Variants in ZNF268 observed in about 807,000 individuals in gnomAD.
ZNF268 encodes zinc finger protein 268.
In ZNF268, 20 loss-of-function variants were observed where a neutral mutation model predicts 29.3. The ratio of observed to expected loss-of-function variants is 0.68; its 90% CI spans 0.48 to 0.99. The LOEUF (loss-of-function observed/expected upper bound fraction) is 0.99. Among genes scored for constraint, ZNF268 ranks in the 50% least tolerant of loss-of-function variants. The pLI is 0.00. For synonymous variants in ZNF268, 429 were observed against 376.9 expected (o/e 1.14, Z -1.60); for missense variants, 1,240 against 1,121.6 (o/e 1.11, Z -1.51).
In ZNF268 at chr12:133,213,627, T is replaced by G. The variant is rs1593946987; in HGVS notation, c.*9097T>G. On this transcript the variant is annotated 3_prime_UTR_variant, in exon 6 of 6. Coordinates refer to ENST00000536435, the MANE Select transcript of ZNF268 (RefSeq NM_003415.3). Reference sequence around the variant, plus strand: ...AGGAGGATCGCTTGAAGCTGTGAGGTGGAGGTTGCAGTGAGCCGAGATCAT... The same window carrying G: ...AGGAGGATCGCTTGAAGCTGTGAGGGGGAGGTTGCAGTGAGCCGAGATCAT... 1 of 143,178 alleles carries G rather than the reference T, an allele frequency of 7.0e-6. No homozygotes were observed. The highest frequency in any genetic ancestry group is 1.5e-5 in the Non-Finnish European group (1 of 66,534). 8.9% of individuals were successfully genotyped at this position (143,178 alleles called of 1,614,324 possible).
At position 133,211,029 on chromosome 12, in the gene ZNF268, A is replaced by G. The variant is rs1166632523; in HGVS notation, c.*6499A>G. ...TAATTTTGGAAAACGAAACTGAAAT[A>G]GAGTCCATCATTCCATGCCTTAATT... On this transcript the variant is annotated 3_prime_UTR_variant, in exon 6 of 6. Coordinates refer to ENST00000536435, the MANE Select transcript of ZNF268 (RefSeq NM_003415.3). The G allele has an allele frequency of 6.6e-6, 3 of 456,106 alleles. No individual in the cohort carries two copies. The Admixed American group carries it at 7.0e-5, about 11-fold the overall frequency. The allele number at this position is 456,106 out of a possible 1,614,324, so 28.3% of individuals were successfully genotyped here.
rs1325695588 is a variant in ZNF268 at position 133,214,529 on chromosome 12, T to C, written c.*9999T>C. On this transcript the variant is annotated 3_prime_UTR_variant, in exon 6 of 6. Coordinates refer to ENST00000536435, the MANE Select transcript of ZNF268 (RefSeq NM_003415.3). ...TACAAAGATAAAAATAAAAGCAATG[T>C]GCAGAAAGAGGCTGGCCACAAAAAG... 1 of 152,168 alleles carries C rather than the reference T, an allele frequency of 6.6e-6. No homozygotes were observed. The highest frequency in any genetic ancestry group is 1.5e-5 in the Non-Finnish European group (1 of 68,054). The allele number at this position is 152,168 out of a possible 1,614,324, so 9.4% of individuals were successfully genotyped here.
chr12:133,207,652 C>A lies in ZNF268; in HGVS notation c.*3122C>A, dbSNP rs1956923426. The A allele has an allele frequency of 6.6e-6, 1 of 151,838 alleles. No individual in the cohort carries two copies. The highest frequency in any genetic ancestry group is 1.5e-5 in the Non-Finnish European group (1 of 67,972). The allele number at this position is 151,838 out of a possible 1,614,324, so 9.4% of individuals were successfully genotyped here. On this transcript the variant is annotated 3_prime_UTR_variant, in exon 6 of 6. Coordinates refer to ENST00000536435, the MANE Select transcript of ZNF268 (RefSeq NM_003415.3). Reference sequence around the variant, plus strand: ...GTGAAACCCCTCTCTACTAAAAATACAAAAAAATAGCAGGGCATGGTAACT... The same window carrying A: ...GTGAAACCCCTCTCTACTAAAAATAAAAAAAAATAGCAGGGCATGGTAACT...
chr12:133,188,546 AT>A (rs1368220579), intron 3 of ZNF268, among the ~76,000 whole-genome samples: 2 of 151,976 alleles, frequency 1.3e-5, no homozygotes, highest in Non-Finnish European at 2.9e-5. Flanking sequence ...ATCTACCTTT[AT>A]TTATATATTC....
chr12:133,183,152 T>C (rs1407944318), intron 2 of ZNF268, among the ~76,000 whole-genome samples: 1 of 152,172 alleles, frequency 6.6e-6, no homozygotes, highest in African/African-American at 2.4e-5. Context: ...CCAGAAGCCA[T>C]CGCCGCACCC....
rs558607629 is a variant in ZNF268, at chr12:133,205,542, T to C, written c.*1012T>C. 6.6e-6 allele frequency: 1 copy of C among 152,306 alleles called. No homozygotes were observed. The highest frequency in any genetic ancestry group is 1.5e-5 in the Non-Finnish European group (1 of 68,016). 9.4% of individuals were successfully genotyped at this position (152,306 alleles called of 1,614,324 possible). On this transcript the variant is annotated 3_prime_UTR_variant, in exon 6 of 6. Transcript: ENST00000536435. ...ATATGACAATATCATCTTCCAGAGA[T>C]TTCTACTCTGCATACCAACATTGTT...
At chr12:133,201,754 TAATTA>T (rs1342529893) in intron 5 of ZNF268, among the ~76,000 whole-genome samples, 1 of 152,144 alleles carries the variant, frequency 6.6e-6, no homozygotes, top group Non-Finnish European at 1.5e-5. Flanking sequence ...AGTAGGTATT[TAATTA>T]TTTTTTGAAT....
intron 2 of ZNF268, among the ~76,000 whole-genome samples, chr12:133,182,310 T>G (rs149255654): frequency 6.6e-6 from 1 of 152,218 alleles, no homozygotes; most frequent in African/African-American, 2.4e-5. Context: ...TTTTCAGCCT[T>G]TATTTACTGA....
At chr12:133,197,269 T>C (rs1181293630) in intron 5 of ZNF268, among the ~76,000 whole-genome samples, 3 of 145,540 alleles carry the variant, frequency 2.1e-5, no homozygotes, top group Non-Finnish European at 4.5e-5. Context: ...TTCCCACCTA[T>C]GAGTGAGAAT....
chr12:133,199,039 C>T (rs1487633792), intron 5 of ZNF268, among the ~76,000 whole-genome samples: 1 of 151,852 alleles, frequency 6.6e-6, no homozygotes, highest in Non-Finnish European at 1.5e-5. Flanking sequence ...CCTTCTCCTG[C>T]CTAATTGCCC....
At position 133,203,286 on chromosome 12, in the gene ZNF268, G is replaced by A. The variant is rs1236114964; in HGVS notation, c.1600G>A (p.Gly534Arg). 6.5e-7 allele frequency: 1 copy of A among 1,539,522 alleles called. No homozygotes were observed. The highest frequency in any genetic ancestry group is 1.4e-5 in the African/African-American group (1 of 72,972). The change falls in exon 6 of 6, where the codon GGG becomes AGG. Residue 534 changes from glycine to arginine, a missense_variant. Gly to Arg is a moderately radical substitution (Grantham distance 125). Around this residue, in one of 3 missense-constraint regions of ZNF268, gnomAD observed 1,177 missense variants for 1,039.6 expected, o/e 1.13. Coordinates refer to ENST00000536435, the MANE Select transcript of ZNF268 (RefSeq NM_003415.3). ...GEKLHECNNCGKAFSFKSQLI... is the reference protein window; with the variant it reads ...GEKLHECNNCRKAFSFKSQLI... Reference sequence around the variant, plus strand: ...AAAACTCCATGAATGCAACAATTGTGGGAAAGCCTTCAGTTTTAAATCACA... The same window carrying A: ...AAAACTCCATGAATGCAACAATTGTAGGAAAGCCTTCAGTTTTAAATCACA...
chr12:133,181,679 AGCCGGAGGT>A lies in ZNF268; in HGVS notation c.-57_-53+4del. On this transcript the variant is annotated splice_donor_variant and 5_prime_UTR_variant, in exon 1 of 6. Transcript: ENST00000536435. LOFTEE classifies it low-confidence loss of function (5UTR_SPLICE). ...CTGCTGCCCCTTCAGGGTTTGGAGG[AGCCGGAGGT>A]GCGGAATTCCTCCGGTTTCAAGGCG... The A allele has an allele frequency of 2.7e-6, 1 of 364,908 alleles. No homozygotes were observed. The highest frequency in any genetic ancestry group is 5.1e-6 in the Non-Finnish European group (1 of 196,374). The allele number at this position is 364,908 out of a possible 1,614,324, so 22.6% of individuals were successfully genotyped here.
Position 133,202,343 on chromosome 12 carries a change from T to C in ZNF268, c.657T>C (p.Tyr219=), listed in dbSNP as rs1293740625. ...SLKYIDFTSD[Y]ARNNPNGFQV... Reference sequence around the variant, plus strand: ...AATATATAGATTTCACTAGTGATTATGCTAGAAATAATCCTAATGGGTTTC... The same window carrying C: ...AATATATAGATTTCACTAGTGATTACGCTAGAAATAATCCTAATGGGTTTC... Residue 219 remains tyrosine (Y), a synonymous_variant, in exon 6 of 6, where the codon TAT becomes TAC. Transcript: ENST00000536435. The C allele has an allele frequency of 1.9e-6, 3 of 1,611,460 alleles. No individual in the cohort carries two copies. The highest frequency in any genetic ancestry group is 2.5e-6 in the Non-Finnish European group (3 of 1,178,792).
chr12:133,184,131 C>T (rs2135481741), intron 2 of ZNF268, among the ~76,000 whole-genome samples: 1 of 151,604 alleles, frequency 6.6e-6, no homozygotes, highest in East Asian at 1.9e-4. Context: ...TTTTTGGAGA[C>T]AGTCTCTCTC....
chr12:133,183,175 A>T (rs1486635568), intron 2 of ZNF268, among the ~76,000 whole-genome samples: 1 of 152,228 alleles, frequency 6.6e-6, no homozygotes, highest in Non-Finnish European at 1.5e-5. Context: ...CTGCCCGTCC[A>T]TGGAAAAATT....
chr12:133,201,437 C>T (rs958341774), intron 5 of ZNF268, among the ~76,000 whole-genome samples: 1 of 152,038 alleles, frequency 6.6e-6, no homozygotes, highest in African/African-American at 2.4e-5. Flanking sequence ...AACATTGAGA[C>T]CTGTGCATCT....
At position 133,204,187 on chromosome 12, in the gene ZNF268, ACCC is replaced by A; in HGVS notation, c.2502_2504del (p.Pro835del). The A allele has an allele frequency of 6.5e-7, 1 of 1,540,804 alleles. No homozygotes were observed. Among genetic ancestry groups the A allele is most frequent in the East Asian group, 2.4e-5 (1 of 40,924 alleles). ...CATGAGCGAACTCATGCAGGGGTCA[ACCC>A]TTATAAATGCAGTCAATGTGAGAAA... On this transcript the variant is annotated inframe_deletion, in exon 6 of 6. Coordinates refer to ENST00000536435, the MANE Select transcript of ZNF268 (RefSeq NM_003415.3).
At chr12:133,199,792 C>A (rs1212356837) in intron 5 of ZNF268, among the ~76,000 whole-genome samples, 1 of 152,130 alleles carries the variant, frequency 6.6e-6, no homozygotes, top group Non-Finnish European at 1.5e-5. Flanking sequence ...GGAATTTATC[C>A]ATTTCTTTAG....
At position 133,204,577 on chromosome 12, in the gene ZNF268, A is replaced by G. The variant is rs36174733; in HGVS notation, c.*47A>G. Reference sequence around the variant, plus strand: ...AGTGGATTCACAAGAGATAGAAACAATCATATATAAAGAGAAACTCTGTAA... The same window carrying G: ...AGTGGATTCACAAGAGATAGAAACAGTCATATATAAAGAGAAACTCTGTAA... On this transcript the variant is annotated 3_prime_UTR_variant, in exon 6 of 6. Transcript: ENST00000536435. The G allele has an allele frequency of 0.17, 230,153 of 1,342,626 alleles. 20,663 individuals carry two copies. Among genetic ancestry groups the G allele is most frequent in the Admixed American group, 0.22 (7,793 of 35,778 alleles). 83.2% of individuals were successfully genotyped at this position (1,342,626 alleles called of 1,614,324 possible).
Sources: gnomAD v4.1 joint callset for allele counts (sites outside exome capture counted in the v4.1 genomes callset) on GRCh38, gnomAD v4.1.1 for gene constraint, gnomAD v4.1.1 regional missense constraint, MANE v1.5 for transcripts, NCBI Gene and HGNC (gene_info 2026-07-23, HGNC 2026-07-21) for gene names.